Variants in CACNB2 observed in about 807,000 individuals in gnomAD.
CACNB2 encodes the protein calcium voltage-gated channel auxiliary subunit beta 2.
In CACNB2, 42 loss-of-function variants were observed where a neutral mutation model predicts 73.3. That is an observed-to-expected ratio of 0.57 (90% CI 0.45 to 0.74). CACNB2 has a LOEUF of 0.74. CACNB2 is among the 30% of genes least tolerant of loss of function. CACNB2 has a pLI of 0.00. For missense variants in CACNB2, 940 were observed against 853.0 expected (o/e 1.10, Z -1.27); for synonymous variants, 348 against 310.3 (o/e 1.12, Z -1.28).
At chr10:18,487,419 T>TA (rs2049122538) in intron 3 of CACNB2, among the ~76,000 whole-genome samples, 3 of 152,224 alleles carry the variant, frequency 2.0e-5, no homozygotes, top group Admixed American at 2.0e-4. Flanking sequence ...AGGACTCTCT[T>TA]ACCCTCACTG....
intron 2 of CACNB2, among the ~76,000 whole-genome samples, chr10:18,303,907 A>G (rs1012776554): frequency 1.4e-4 from 21 of 152,204 alleles, no homozygotes; most frequent in African/African-American, 4.8e-4. Flanking sequence ...ACATTATATG[A>G]GATTAAAATT....
In CACNB2 at chr10:18,156,523, C is replaced by T. The variant is rs1331318511; in HGVS notation, c.213+5548C>T. Among the ~76,000 whole-genome samples, 4 of 152,258 alleles carry T rather than the reference C, an allele frequency of 2.6e-5. No individual in the cohort carries two copies. The East Asian group carries it at 7.7e-4, about 29-fold the overall frequency. ...AGGGCTGAGTCTTGATCCAGTAGTA[C>T]AGGAAGGGGTCTGTCCATAGGGGTC... On this transcript the variant is annotated intron_variant, in intron 2 of 13. Transcript: ENST00000324631.
At chr10:18,474,471 C>G (rs142286536) in intron 3 of CACNB2, among the ~76,000 whole-genome samples, 1 of 152,226 alleles carries the variant, frequency 6.6e-6, no homozygotes, top group Non-Finnish European at 1.5e-5. Flanking sequence ...AACTAAGGTG[C>G]AATTAGGCAA....
At chr10:18,400,448 T>C (rs1279927938) in intron 2 of CACNB2, 3 of 325,930 alleles carry the variant, frequency 9.2e-6, no homozygotes, top group Non-Finnish European at 1.3e-5. Context: ...TGTTTACACT[T>C]CGGATGTAAA....
intron 2 of CACNB2, among the ~76,000 whole-genome samples, chr10:18,303,722 G>C (rs2039619685): frequency 6.6e-6 from 1 of 152,154 alleles, no homozygotes; most frequent in Non-Finnish European, 1.5e-5. Context: ...AAGGCAGGCT[G>C]TCCTTGGGGG....
chr10:18,331,483 G>A (rs1825014174), intron 2 of CACNB2, among the ~76,000 whole-genome samples: 1 of 151,458 alleles, frequency 6.6e-6, no homozygotes, highest in African/African-American at 2.4e-5. Context: ...GGATGGGGGG[G>A]TGAAAATTGC....
intron 9 of CACNB2, among the ~76,000 whole-genome samples, chr10:18,521,804 G>C (rs572731662): frequency 6.6e-6 from 1 of 152,322 alleles, no homozygotes; most frequent in Admixed American, 6.5e-5. Flanking sequence ...GTATATTTCT[G>C]TATTTTTAAC....
intron 2 of CACNB2, among the ~76,000 whole-genome samples, chr10:18,289,767 G>T (rs2038982347): frequency 6.6e-6 from 1 of 152,114 alleles, no homozygotes; most frequent in African/African-American, 2.4e-5. Flanking sequence ...ACGTTTAGCT[G>T]TGTGGCCCCC....
intron 2 of CACNB2, among the ~76,000 whole-genome samples, chr10:18,325,092 G>T (rs1403461333): frequency 6.6e-6 from 1 of 152,172 alleles, no homozygotes; most frequent in Non-Finnish European, 1.5e-5. Context: ...AGTGTGAACT[G>T]GGTCCCCCAG....
At chr10:18,318,806 T>C (rs2040290724) in intron 2 of CACNB2, among the ~76,000 whole-genome samples, 1 of 152,100 alleles carries the variant, frequency 6.6e-6, no homozygotes. Context: ...AAACAGACAG[T>C]TCTCAAAAGA....
chr10:18,248,517 C>A (rs1169079251), intron 2 of CACNB2, among the ~76,000 whole-genome samples: 4 of 152,168 alleles, frequency 2.6e-5, no homozygotes, highest in Non-Finnish European at 2.9e-5. Flanking sequence ...GTGTTCTCAA[C>A]TAAATCCAAT....
intron 3 of CACNB2, among the ~76,000 whole-genome samples, chr10:18,440,930 G>C (rs564236987): frequency 3.5e-4 from 54 of 152,310 alleles, no homozygotes; most frequent in African/African-American, 1.1e-3. Flanking sequence ...CTGATGGAAG[G>C]TGCTGAGCAA....
At position 18,413,570 on chromosome 10, in the gene CACNB2, C is replaced by G. The variant is rs185906223; in HGVS notation, c.333+11527C>G. Among the ~76,000 whole-genome samples, 37 of 152,326 alleles carry G rather than the reference C, an allele frequency of 2.4e-4. 1 individual carries two copies. In the East Asian group the frequency reaches 6.9e-3, roughly 29 times the overall value. The stretch of plus-strand genomic sequence containing the variant: ...CCATTTCCATTCTCATTACCTCCAT[C>G]CTTCCAAATCTGAAACCTTCGTCGA... On this transcript the variant is annotated intron_variant, in intron 3 of 13. Transcript: ENST00000324631.
intron 2 of CACNB2, among the ~76,000 whole-genome samples, chr10:18,272,449 G>A (rs2038095553): frequency 6.6e-6 from 1 of 152,118 alleles, no homozygotes; most frequent in Admixed American, 6.5e-5. Flanking sequence ...GTACATACTA[G>A]AAATCACCTC....
chr10:18,466,332 C>T (rs983473611), intron 3 of CACNB2, among the ~76,000 whole-genome samples: 1 of 152,102 alleles, frequency 6.6e-6, no homozygotes, highest in African/African-American at 2.4e-5. Context: ...AACTTCTGGA[C>T]TGAAGCAACC....
At chr10:18,459,854 TG>T (rs1167257620) in intron 3 of CACNB2, among the ~76,000 whole-genome samples, 1 of 151,920 alleles carries the variant, frequency 6.6e-6, no homozygotes, top group African/African-American at 2.4e-5. Context: ...AAAAATTACC[TG>T]GGAATGACGA....
intron 2 of CACNB2, among the ~76,000 whole-genome samples, chr10:18,377,334 C>T (rs1486787885): frequency 1.3e-5 from 2 of 152,148 alleles, no homozygotes; most frequent in Non-Finnish European, 2.9e-5. Flanking sequence ...TGTGTATTGA[C>T]ATCTTGTGAG....
intron 2 of CACNB2, among the ~76,000 whole-genome samples, chr10:18,284,717 T>G (rs375046927): frequency 6.6e-6 from 1 of 152,198 alleles, no homozygotes; most frequent in East Asian, 1.9e-4. Flanking sequence ...CTGATTCTTA[T>G]GATGAAAATT....
At chr10:18,505,582 A>T (rs926034040) in intron 5 of CACNB2, among the ~76,000 whole-genome samples, 4 of 152,176 alleles carry the variant, frequency 2.6e-5, no homozygotes, top group Non-Finnish European at 5.9e-5. Flanking sequence ...CACTGTAGCA[A>T]ATTCTTTCAA....
Sources: allele counts gnomAD v4.1 joint callset (sites outside exome capture counted in the v4.1 genomes callset), GRCh38; gene constraint gnomAD v4.1.1; transcripts MANE v1.5; gene names NCBI Gene and HGNC (gene_info 2026-07-23, HGNC 2026-07-21).